Variants in PTPRT observed in about 807,000 individuals in gnomAD.
PTPRT encodes protein tyrosine phosphatase receptor type T.
PTPRT carries 56 observed loss-of-function variants against 176.8 expected under a neutral mutation model. The observed-to-expected ratio is 0.32, with a 90% confidence interval of 0.26 to 0.40. PTPRT has a LOEUF of 0.40. PTPRT is among the 10% of genes least tolerant of loss of function. The pLI is 1.00. For missense variants in PTPRT, 1,540 were observed against 1,908.2 expected (o/e 0.81, Z 3.60); for synonymous variants, 783 against 739.0 (o/e 1.06, Z -0.96).
At chr20:42,550,614 G>A (rs1199062883) in intron 7 of PTPRT, among the ~76,000 whole-genome samples, 1 of 152,016 alleles carries the variant, frequency 6.6e-6, no homozygotes, top group East Asian at 1.9e-4. Context: ...ATTCCGACTG[G>A]TACAAAGGAA....
rs976498805 is a variant in PTPRT at position 42,372,859 on chromosome 20, C to T, written c.1561-20574G>A. Among the ~76,000 whole-genome samples, 11 of 152,296 alleles carry T rather than the reference C, an allele frequency of 7.2e-5. No homozygotes were observed. The East Asian group carries it at 1.4e-3, about 19-fold the overall frequency. ...GAACCCACCCCAGACACCTAACTTG[C>T]TGGCAATTTAATCTTGGACCTCCCA... On this transcript the variant is annotated intron_variant, in intron 9 of 30. Coordinates refer to ENST00000373187, the MANE Select transcript of PTPRT (RefSeq NM_007050.6).
intron 1 of PTPRT, among the ~76,000 whole-genome samples, chr20:42,992,251 G>A (rs1218419348): frequency 6.6e-6 from 1 of 152,156 alleles, no homozygotes; most frequent in Non-Finnish European, 1.5e-5. Context: ...CTTGAGGTCT[G>A]GATAAAAGGA....
At chr20:43,154,716 T>C (rs1262746071) in intron 1 of PTPRT, among the ~76,000 whole-genome samples, 1 of 152,096 alleles carries the variant, frequency 6.6e-6, no homozygotes, top group Non-Finnish European at 1.5e-5. Context: ...TGCATCGAAC[T>C]AAAAAGCTTC....
the PTPRT span, among the ~76,000 whole-genome samples, chr20:42,050,175 G>A: frequency 2.0e-5 from 3 of 152,194 alleles, no homozygotes; most frequent in Non-Finnish European, 2.9e-5. Flanking sequence ...TGCCTTGTGA[G>A]TGGGAGGGAA....
At chr20:42,346,570 A>C (rs888070623) in intron 11 of PTPRT, among the ~76,000 whole-genome samples, 44 of 152,214 alleles carry the variant, frequency 2.9e-4, no homozygotes, top group Non-Finnish European at 8.8e-5. Context: ...AAATAGGCCA[A>C]GCTGCTGAGG....
chr20:42,330,754 A>C (rs554458372), intron 11 of PTPRT, among the ~76,000 whole-genome samples: 1 of 152,278 alleles, frequency 6.6e-6, no homozygotes, highest in African/African-American at 2.4e-5. Flanking sequence ...TATACTTAAC[A>C]AATAGAGCAT....
intron 1 of PTPRT, among the ~76,000 whole-genome samples, chr20:43,108,574 C>T (rs758206560): frequency 6.6e-6 from 1 of 151,884 alleles, no homozygotes; most frequent in Non-Finnish European, 1.5e-5. Context: ...GGGTTGGGGG[C>T]GGGGGCTTGA....
At chr20:42,903,803 G>A (rs1018723602) in intron 1 of PTPRT, among the ~76,000 whole-genome samples, 8 of 152,246 alleles carry the variant, frequency 5.3e-5, no homozygotes, top group Non-Finnish European at 8.8e-5. Context: ...CATGTTTTGA[G>A]ATCACAAGGA....
chr20:42,532,817 C>A (rs576423579), intron 7 of PTPRT, among the ~76,000 whole-genome samples: 5 of 152,222 alleles, frequency 3.3e-5, no homozygotes, highest in African/African-American at 1.2e-4. Flanking sequence ...CAGGTATAAA[C>A]CCAGTCCTTT....
At chr20:42,836,583 T>C (rs902387366) in intron 2 of PTPRT, among the ~76,000 whole-genome samples, 8 of 152,114 alleles carry the variant, frequency 5.3e-5, no homozygotes, top group African/African-American at 1.7e-4. Context: ...GGCCAACACC[T>C]GGTTTCTAGA....
At chr20:42,847,987 C>T (rs1295352371) in intron 2 of PTPRT, among the ~76,000 whole-genome samples, 1 of 152,096 alleles carries the variant, frequency 6.6e-6, no homozygotes, top group Non-Finnish European at 1.5e-5. Flanking sequence ...TCACCCCCCT[C>T]CCACCCTTTC....
At chr20:42,408,205 A>T (rs6130123) in intron 9 of PTPRT, among the ~76,000 whole-genome samples, 95 of 152,080 alleles carry the variant, frequency 6.2e-4, no homozygotes, top group Non-Finnish European at 1.2e-3. Flanking sequence ...AGAAAACTGT[A>T]AAAGTAGGAG....
chr20:42,631,965 A>G (rs1016154273), intron 7 of PTPRT, among the ~76,000 whole-genome samples: 4 of 152,088 alleles, frequency 2.6e-5, no homozygotes, highest in East Asian at 1.9e-4. Flanking sequence ...TTATGCAAAC[A>G]ATGTGATTTA....
intron 2 of PTPRT, among the ~76,000 whole-genome samples, chr20:42,840,395 TG>T (rs1045738730): frequency 3.5e-4 from 53 of 152,322 alleles, no homozygotes; most frequent in African/African-American, 1.3e-3. Context: ...ACATCTTTTT[TG>T]TTTTTTTATT....
At chr20:42,246,979 T>A (rs55889296) in intron 14 of PTPRT, among the ~76,000 whole-genome samples, 24,948 of 152,250 alleles carry the variant, frequency 0.16, 2,589 homozygotes, top group Non-Finnish European at 0.22. Flanking sequence ...CCCTATGTAA[T>A]AGCAGCAGAC....
intron 1 of PTPRT, among the ~76,000 whole-genome samples, chr20:43,069,454 T>C (rs1475206250): frequency 6.6e-6 from 1 of 152,192 alleles, no homozygotes; most frequent in Non-Finnish European, 1.5e-5. Flanking sequence ...AGAAACAGAA[T>C]GAATCCAACT....
At chr20:43,107,231 A>C (rs1043490178) in intron 1 of PTPRT, among the ~76,000 whole-genome samples, 1 of 152,198 alleles carries the variant, frequency 6.6e-6, no homozygotes, top group African/African-American at 2.4e-5. Context: ...TAAGGAAGAA[A>C]ATAGTCTCGG....
chr20:42,427,916 G>T (rs540110747), intron 9 of PTPRT, among the ~76,000 whole-genome samples: 110 of 152,150 alleles, frequency 7.2e-4, no homozygotes, highest in African/African-American at 2.2e-3. Flanking sequence ...TCCTGCCCAC[G>T]AGAGAACAAC....
At chr20:42,136,257 T>TC (rs1988373446) in intron 18 of PTPRT, among the ~76,000 whole-genome samples, 1 of 135,356 alleles carries the variant, frequency 7.4e-6, no homozygotes, top group Admixed American at 7.9e-5. Flanking sequence ...TTTTTTTTTT[T>TC]CAGAGAAAAG....
Sources: allele counts gnomAD v4.1 joint callset (sites outside exome capture counted in the v4.1 genomes callset), GRCh38; gene constraint gnomAD v4.1.1; transcripts MANE v1.5; gene names NCBI Gene and HGNC (gene_info 2026-07-23, HGNC 2026-07-21).